The following HECTD4 variants were observed in gnomAD, a reference collection of about 807,000 sequenced individuals.
HECTD4 encodes the protein probable E3 ubiquitin-protein ligase HECTD4.
A neutral mutation model predicts 471.5 loss-of-function variants in HECTD4; 114 were observed. That is an observed-to-expected ratio of 0.24 (90% confidence interval 0.21 to 0.28). The LOEUF (loss-of-function observed/expected upper bound fraction) is 0.28, where lower values mean the gene tolerates loss of function less well. Ranked by LOEUF, HECTD4 falls within the 10% of genes least tolerant of loss-of-function variation. The pLI is 1.00. For synonymous variants in HECTD4, 2,012 were observed against 2,256.0 expected, an observed-to-expected ratio of 0.89 and a Z score of 3.07; for missense variants, 3,866 against 5,651.5, an observed-to-expected ratio of 0.68 and a Z score of 10.13.
chr12:112,345,860 A>G (rs1158558722), intron 1 of HECTD4, among the ~76,000 whole-genome samples: 2 of 152,218 alleles, frequency 1.3e-5, no homozygotes, highest in Non-Finnish European at 2.9e-5. Context: ...GTGCCACTGC[A>G]CTCCAGCCTG....
At position 112,184,606 on chromosome 12, in the gene HECTD4, T is replaced by G. The variant is rs777411517; in HGVS notation, c.10360A>C (p.Lys3454Gln). 3.7e-6 allele frequency: 6 copies of G among 1,613,902 alleles called. No individual in the cohort carries two copies. The highest frequency in any genetic ancestry group is 3.4e-6 in the Non-Finnish European group (4 of 1,179,876). The change falls in exon 61 of 76, where the codon AAA (lysine) becomes CAA (glutamine). Residue 3454 changes from lysine (K) to glutamine (Q), a missense_variant. This residue lies in a region of HECTD4 where 192 missense variants were observed against 189.9 expected (regional missense o/e 1.01). Transcript: ENST00000682272. The surrounding 1 kb of genome is among the most constrained non-coding windows in gnomAD (Gnocchi z 9.1). ...GCCAGTGTCTTCTCGGGCTCAACTT[T>G]CCCGTCCCCGCCCTCGGCCTTGTCT... ...PKDKAEGGDG[K>Q]VEPEKTLAFP... is the part of the protein sequence containing the mutation.
intron 7 of HECTD4, among the ~76,000 whole-genome samples, chr12:112,303,862 TAA>T (rs113450179): frequency 0.24 from 27,980 of 114,310 alleles, 3,968 homozygotes; most frequent in East Asian, 0.81. Context: ...TCTCTCAAAA[TAA>T]AAAAAAAAAA....
chr12:112,370,781 GT>G lies in HECTD4; in HGVS notation c.177+11170del, dbSNP rs572650483. On this transcript the variant is annotated intron_variant, in intron 1 of 75. Coordinates refer to ENST00000682272, the MANE Select transcript of HECTD4 (RefSeq NM_001388303.1). ...AGAATGTATTCATGTACTACTCATAGTTTTTTTTTTAATTAATAGATACATA... is the reference window on the plus strand; with the variant it reads ...AGAATGTATTCATGTACTACTCATAGTTTTTTTTTAATTAATAGATACATA... 3.3e-4 allele frequency among the ~76,000 whole-genome samples: 49 copies of G among 149,594 alleles called. 2 individuals are homozygous for G. The South Asian group carries it at 6.1e-3, about 19-fold the overall frequency.
chr12:112,278,753 C>T (rs780766333), intron 9 of HECTD4, among the ~76,000 whole-genome samples: 3 of 152,176 alleles, frequency 2.0e-5, no homozygotes, highest in Non-Finnish European at 4.4e-5. Context: ...ATTAGCCGGG[C>T]ATGGTGGCAT....
chr12:112,356,975 T>C (rs926361845), intron 1 of HECTD4, among the ~76,000 whole-genome samples: 11 of 152,362 alleles, frequency 7.2e-5, no homozygotes, highest in African/African-American at 1.9e-4. Context: ...AGACAGTTCG[T>C]GGTATGTGGA....
At chr12:112,267,435 C>T (rs1175898493) in intron 13 of HECTD4, 1 of 155,218 alleles carries the variant, frequency 6.4e-6, no homozygotes, top group South Asian at 2.0e-4. Flanking sequence ...AGCGATTCAC[C>T]TGCCTTGGCC....
chr12:112,243,570 C>T lies in HECTD4; in HGVS notation c.4791+50G>A, dbSNP rs759337142. 4.4e-6 allele frequency: 7 copies of T among 1,602,068 alleles called. No homozygotes were observed. Among genetic ancestry groups the T allele is most frequent in the Admixed American group, 3.4e-5 (2 of 58,038 alleles). On this transcript the variant is annotated intron_variant, in intron 31 of 75. Transcript: ENST00000682272. The surrounding 1 kb of genome is among the most constrained non-coding windows in gnomAD (Gnocchi z 6.6). ...GACTCCTGCTAACTGCCGCAAGACC[C>T]CGCATGCTGTTAGGTGCTATTCATC...
At position 112,169,388 on chromosome 12, in the gene HECTD4, CA is replaced by C. The variant is rs1311794440; in HGVS notation, c.12208+114del. ...GGGTGCAGACCTGGCTTCTGCAGCA[CA>C]AGTGCTGAGGATGTGGCTTTTACTC... On this transcript the variant is annotated intron_variant, in intron 70 of 75. Coordinates refer to ENST00000682272, the MANE Select transcript of HECTD4 (RefSeq NM_001388303.1). 44 of 1,196,052 alleles carry C rather than the reference CA, an allele frequency of 3.7e-5. 1 individual carries two copies. In the South Asian group the frequency reaches 5.8e-4, roughly 16 times the overall value. 74.1% of individuals were successfully genotyped at this position (1,196,052 alleles called of 1,614,324 possible). A position where few individuals can be genotyped will look rare whatever the true frequency, so the allele number is the denominator to read the frequency against.
intron 44 of HECTD4, among the ~76,000 whole-genome samples, chr12:112,222,136 C>T (rs993765418): frequency 3.3e-5 from 5 of 152,022 alleles, no homozygotes; most frequent in African/African-American, 1.2e-4. Flanking sequence ...CTTGGCCAGG[C>T]AGTCTTGAAC....
chr12:112,270,454 C>T lies in HECTD4; in HGVS notation c.1948G>A (p.Ala650Thr). 4 of 1,612,262 alleles carry T rather than the reference C, an allele frequency of 2.5e-6. No homozygotes were observed. The highest frequency in any genetic ancestry group is 3.4e-6 in the Non-Finnish European group (4 of 1,178,322). Residue 650 changes from alanine (A) to threonine (T), a missense_variant, in exon 12 of 76, where the codon GCT (alanine) becomes ACT (threonine). Ala to Thr is a moderately conservative substitution (Grantham distance 58). Around this residue, in one of 16 missense-constraint regions of HECTD4, gnomAD observed 525 missense variants for 672.6 expected, o/e 0.78. Coordinates refer to ENST00000682272, the MANE Select transcript of HECTD4 (RefSeq NM_001388303.1). ...SHIITEPKEE[A>T]ITTNEVINQL... ...TTTATAACCTCATTCGTGGTTATAG[C>T]CTCTTCTAGAAGATGAAAAGGAAAC... is the stretch of plus-strand genomic sequence containing the variant.
chr12:112,366,105 T>C (rs1320927785), intron 1 of HECTD4, among the ~76,000 whole-genome samples: 2 of 152,116 alleles, frequency 1.3e-5, no homozygotes, highest in African/African-American at 4.8e-5. Context: ...CAGTATAAGA[T>C]ACCAATACTA....
At position 112,274,862 on chromosome 12, in the gene HECTD4, G is replaced by A. The variant is rs1355352512; in HGVS notation, c.1786C>T (p.Leu596Phe). ...TATTTCTTACCCAATCCTGGTACGA[G>A]AGCACCACGCCCCAGTGAGCTTCCA... The part of the protein sequence containing the change: ...AAGSSLGRGA[L>F]VPGLGACYDT... Residue 596 changes from leucine to phenylalanine, a missense_variant, in exon 10 of 76, where the codon CTC (leucine) becomes TTC (phenylalanine). Physicochemically the swap from Leu to Phe is conservative, Grantham distance 22. Coordinates refer to ENST00000682272, the MANE Select transcript of HECTD4 (RefSeq NM_001388303.1). 2 of 1,546,608 alleles carry A rather than the reference G, an allele frequency of 1.3e-6. No homozygotes were observed. The highest frequency in any genetic ancestry group is 1.7e-6 in the Non-Finnish European group (2 of 1,143,590).
intron 1 of HECTD4, among the ~76,000 whole-genome samples, chr12:112,379,006 C>G (rs1594089348): frequency 6.6e-6 from 1 of 151,916 alleles, no homozygotes; most frequent in South Asian, 2.1e-4. Flanking sequence ...TGTGCCACTG[C>G]ACTCCAGCCT....
At chr12:112,292,099 C>A (rs1467438200) in intron 7 of HECTD4, among the ~76,000 whole-genome samples, 4 of 152,122 alleles carry the variant, frequency 2.6e-5, no homozygotes, top group Non-Finnish European at 5.9e-5. Context: ...AATCCCAATA[C>A]CTTGCAAGGC....
At chr12:112,264,032 C>A in intron 17 of HECTD4, 52 bp downstream of exon 17, 4 of 1,487,290 alleles carry the variant, frequency 2.7e-6, no homozygotes, top group Non-Finnish European at 3.6e-6. Context: ...GCCAATTAAG[C>A]TGCTTTTCAC....
chr12:112,283,955 CTTT>C (rs746498265), intron 7 of HECTD4, among the ~76,000 whole-genome samples: 1 of 135,564 alleles, frequency 7.4e-6, no homozygotes, highest in Non-Finnish European at 1.6e-5. Flanking sequence ...CTTCTTTCTT[CTTT>C]TTTTTTTTTT....
At chr12:112,252,627 C>T in intron 22 of HECTD4, 99 bp from the exon 23 acceptor site, 3 of 1,337,886 alleles carry the variant, frequency 2.2e-6, no homozygotes, top group South Asian at 2.8e-5. Context: ...AAAAGGACCA[C>T]AGCAATATTT....
chr12:112,203,687 T>C lies in HECTD4; in HGVS notation c.8355A>G (p.Arg2785=). The part of the protein sequence containing the change: ...VGTALPKFAI[R]GMLKTFGLHG... Reference sequence around the variant, plus strand: ...GAAGCCCAAAGGTTTTCAGCATCCCTCGGATGGCAAATTTTGGCAGAGCAG... The same window carrying C: ...GAAGCCCAAAGGTTTTCAGCATCCCCCGGATGGCAAATTTTGGCAGAGCAG... Residue 2785 remains arginine (R), a synonymous_variant, in exon 54 of 76, where the codon CGA becomes CGG. Transcript: ENST00000682272. 1 of 1,613,444 alleles carries C rather than the reference T, an allele frequency of 6.2e-7. No individual in the cohort carries two copies.
At chr12:112,223,622 AT>A (rs1294806800) in intron 44 of HECTD4, among the ~76,000 whole-genome samples, 1 of 152,030 alleles carries the variant, frequency 6.6e-6, no homozygotes, top group East Asian at 1.9e-4. Flanking sequence ...GCTTCACCAT[AT>A]TGGCCAGGCT....
Sources: gnomAD v4.1 joint callset for allele counts (sites outside exome capture counted in the v4.1 genomes callset) on GRCh38, gnomAD v4.1.1 for gene constraint, gnomAD v4.1.1 regional missense constraint, Gnocchi (gnomAD v3.1) non-coding constraint, MANE v1.5 for transcripts, NCBI Gene and HGNC (gene_info 2026-07-23, HGNC 2026-07-21) for gene names.